TMCC1: variants seen among roughly 807,000 people sequenced by gnomAD.
TMCC1 encodes transmembrane and coiled-coil domain family 1, also known as transmembrane and coiled-coil domains protein 1.
A neutral mutation model predicts 52.4 loss-of-function variants in TMCC1; 15 were observed. The observed-to-expected ratio is 0.29, with a 90% CI of 0.19 to 0.44. The LOEUF is 0.44. TMCC1 is among the 20% of genes least tolerant of loss of function. The probability of loss-of-function intolerance (pLI) is 1.00; values close to 1 mark genes in which losing one functional copy is unlikely to be tolerated. For synonymous variants in TMCC1, 279 were observed against 301.9 expected (o/e 0.92, Z 0.79); for missense variants, 503 against 806.0 (o/e 0.62, Z 4.55).
intron 4 of TMCC1, among the ~76,000 whole-genome samples, chr3:129,761,491 C>G (rs1476452968): frequency 6.6e-6 from 1 of 152,052 alleles, no homozygotes; most frequent in Admixed American, 6.5e-5. Flanking sequence ...TCACTGCAGC[C>G]TCAACTTTCT....
chr3:129,655,836 G>A (rs1481720582), intron 5 of TMCC1, among the ~76,000 whole-genome samples: 2 of 152,140 alleles, frequency 1.3e-5, no homozygotes, highest in African/African-American at 4.8e-5. Context: ...GCCTGCCTTG[G>A]TCTCCCAAAG....
At chr3:129,669,436 A>ATT (rs746722233) in intron 5 of TMCC1, among the ~76,000 whole-genome samples, 2 of 144,398 alleles carry the variant, frequency 1.4e-5, no homozygotes. Flanking sequence ...TTAGAAAAAA[A>ATT]TTTTTTTTTT....
At chr3:129,736,616 G>C (rs1470465783) in intron 4 of TMCC1, among the ~76,000 whole-genome samples, 1 of 150,866 alleles carries the variant, frequency 6.6e-6, no homozygotes. Flanking sequence ...CCACCTCCCA[G>C]GTTCAAGTGA....
At position 129,720,447 on chromosome 3, in the gene TMCC1, T is replaced by C. The variant is rs116938044; in HGVS notation, c.577-49183A>G. On this transcript the variant is annotated intron_variant, in intron 4 of 6. Transcript: ENST00000393238. ...TAATAGCTATTCAGGCTAAAATCCT[T>C]GTAGGTTGTCTACGTGGATGAGTGT... Among the ~76,000 whole-genome samples, 117 of 152,280 alleles carry C rather than the reference T, an allele frequency of 7.7e-4. 2 individuals are homozygous for C. In the East Asian group the frequency reaches 0.022, roughly 29 times the overall value.
At chr3:129,697,807 CGTT>C (rs2047523548) in intron 4 of TMCC1, among the ~76,000 whole-genome samples, 1 of 152,188 alleles carries the variant, frequency 6.6e-6, no homozygotes, top group African/African-American at 2.4e-5. Flanking sequence ...CCTTTGCTCT[CGTT>C]GTCAACAAGT....
intron 4 of TMCC1, among the ~76,000 whole-genome samples, chr3:129,676,892 T>A (rs1420068678): frequency 1.3e-5 from 2 of 152,148 alleles, no homozygotes; most frequent in African/African-American, 4.8e-5. Flanking sequence ...GTAAACTAAT[T>A]AGTTACCTTC....
rs530217877 is a variant in TMCC1 at position 129,814,214 on chromosome 3, T to A, written c.576+13589A>T. Among the ~76,000 whole-genome samples, 57 of 152,272 alleles carry A rather than the reference T, an allele frequency of 3.7e-4. No individual in the cohort carries two copies. In the South Asian group the frequency reaches 0.011, roughly 30 times the overall value. Reference sequence around the variant, plus strand: ...TCCCAGTGTACTCCTGAACCAGATCTTCACTCACAGGCTAATTTTCCTGCA... The same window carrying A: ...TCCCAGTGTACTCCTGAACCAGATCATCACTCACAGGCTAATTTTCCTGCA... On this transcript the variant is annotated intron_variant, in intron 4 of 6. Coordinates refer to ENST00000393238, the MANE Select transcript of TMCC1 (RefSeq NM_001017395.5).
chr3:129,679,723 A>C (rs2088808256), intron 4 of TMCC1, among the ~76,000 whole-genome samples: 1 of 152,230 alleles, frequency 6.6e-6, no homozygotes, highest in Admixed American at 6.5e-5. Flanking sequence ...TTCATAAAAA[A>C]CTAGAATATA....
intron 2 of TMCC1, among the ~76,000 whole-genome samples, chr3:129,835,330 T>C (rs1577031360): frequency 6.7e-6 from 1 of 149,976 alleles, no homozygotes; most frequent in East Asian, 1.9e-4. Context: ...CACTCTTTCA[T>C]ATATATATAT....
chr3:129,701,869 G>A (rs2047861225), intron 4 of TMCC1, among the ~76,000 whole-genome samples: 1 of 152,048 alleles, frequency 6.6e-6, no homozygotes, highest in South Asian at 2.1e-4. Context: ...TCAAAGATGG[G>A]CCAGGTAATT....
intron 2 of TMCC1, among the ~76,000 whole-genome samples, chr3:129,856,707 T>G (rs1047968268): frequency 6.6e-6 from 1 of 152,192 alleles, no homozygotes. Flanking sequence ...TGGTCCAATC[T>G]CCAGTGAAAT....
intron 2 of TMCC1, among the ~76,000 whole-genome samples, chr3:129,878,383 C>A (rs1240973502): frequency 1.3e-5 from 2 of 152,202 alleles, no homozygotes; most frequent in African/African-American, 4.8e-5. Context: ...ATGACAACTG[C>A]ATTCTTCCAG....
chr3:129,797,283 G>C (rs188878146), intron 4 of TMCC1, among the ~76,000 whole-genome samples: 7 of 151,508 alleles, frequency 4.6e-5, no homozygotes, highest in African/African-American at 1.7e-4. Context: ...CCGAGATCAC[G>C]CCACTGCACT....
chr3:129,779,664 A>C (rs1560401471), intron 4 of TMCC1, among the ~76,000 whole-genome samples: 1 of 152,174 alleles, frequency 6.6e-6, no homozygotes, highest in Non-Finnish European at 1.5e-5. Flanking sequence ...AAGAAAAGGA[A>C]ATATTATGAA....
chr3:129,822,880 T>C (rs1273329245), intron 4 of TMCC1, among the ~76,000 whole-genome samples: 1 of 152,168 alleles, frequency 6.6e-6, no homozygotes, highest in Admixed American at 6.5e-5. Context: ...TAGAAATCAT[T>C]TGTGGTGCAA....
At chr3:129,714,470 C>T (rs2048920291) in intron 4 of TMCC1, among the ~76,000 whole-genome samples, 1 of 152,064 alleles carries the variant, frequency 6.6e-6, no homozygotes, top group East Asian at 1.9e-4. Context: ...TATGGGTAAA[C>T]TTGACCACCT....
chr3:129,718,096 C>T (rs375713653), intron 4 of TMCC1, among the ~76,000 whole-genome samples: 11 of 152,152 alleles, frequency 7.2e-5, no homozygotes, highest in South Asian at 6.2e-4. Context: ...AATTAAGATT[C>T]GTGAATGAAT....
chr3:129,682,227 C>G (rs1365259280), intron 4 of TMCC1, among the ~76,000 whole-genome samples: 1 of 152,064 alleles, frequency 6.6e-6, no homozygotes, highest in African/African-American at 2.4e-5. Context: ...AAACTCCTGG[C>G]CTCAAGCAAG....
chr3:129,688,100 T>C lies in TMCC1; in HGVS notation c.577-16836A>G, dbSNP rs1414159269. The C allele has an allele frequency of 3.1e-6, 3 of 971,916 alleles. No individual in the cohort carries two copies. In the African/African-American group the frequency reaches 5.3e-5, roughly 17 times the overall value. The allele number at this position is 971,916 out of a possible 1,614,324, so 60.2% of individuals were successfully genotyped here. On this transcript the variant is annotated intron_variant, in intron 4 of 6. Coordinates refer to ENST00000393238, the MANE Select transcript of TMCC1 (RefSeq NM_001017395.5). ...ATGATTTTGCAAAATGTTTTAGTTA[T>C]TGCTAAGAAGCAATTCCATACAGCT...
Sources: allele counts gnomAD v4.1 joint callset (sites outside exome capture counted in the v4.1 genomes callset), GRCh38; gene constraint gnomAD v4.1.1; transcripts MANE v1.5; gene names NCBI Gene and HGNC (gene_info 2026-07-23, HGNC 2026-07-21).